The following SDCCAG8 variants were observed in gnomAD, a reference collection of about 807,000 sequenced individuals.
The protein encoded by SDCCAG8 is SHH signaling and ciliogenesis regulator SDCCAG8.
SDCCAG8 carries 74 observed loss-of-function variants against 101.8 expected under a neutral mutation model. The observed-to-expected ratio is 0.73, with a 90% confidence interval of 0.60 to 0.88. The LOEUF is 0.88. SDCCAG8 is among the 40% of genes least tolerant of loss of function. SDCCAG8 has a pLI of 0.00. For synonymous variants in SDCCAG8, 281 were observed against 292.9 expected, an observed-to-expected ratio of 0.96 and a Z score of 0.41; for missense variants, 787 against 822.6, an observed-to-expected ratio of 0.96 and a Z score of 0.53.
chr1:243,295,491 C>T (rs1029150159), intron 6 of SDCCAG8, among the ~76,000 whole-genome samples: 2 of 152,190 alleles, frequency 1.3e-5, no homozygotes, highest in East Asian at 1.9e-4. Flanking sequence ...CCGCCTCGGC[C>T]TCCCAAAGTG....
intron 10 of SDCCAG8, among the ~76,000 whole-genome samples, chr1:243,337,252 T>C (rs2075072397): frequency 6.6e-6 from 1 of 152,244 alleles, no homozygotes. Flanking sequence ...TAGCACCATT[T>C]ATTGAATAGG....
chr1:243,423,748 A>C (rs569752537), intron 15 of SDCCAG8, among the ~76,000 whole-genome samples: 1 of 152,242 alleles, frequency 6.6e-6, no homozygotes, highest in Non-Finnish European at 1.5e-5. Context: ...AGATTTTTTT[A>C]AAAAAGCATG....
chr1:243,479,862 C>T (rs779694882), intron 16 of SDCCAG8, among the ~76,000 whole-genome samples: 3 of 151,984 alleles, frequency 2.0e-5, no homozygotes, highest in Non-Finnish European at 4.4e-5. Flanking sequence ...TTAGAATGTA[C>T]CAGTGGTTCT....
intron 12 of SDCCAG8, among the ~76,000 whole-genome samples, chr1:243,367,258 A>G (rs1018140214): frequency 6.6e-6 from 1 of 152,062 alleles, no homozygotes; most frequent in African/African-American, 2.4e-5. Context: ...GCCATTGGAA[A>G]GACTACTTTT....
At chr1:243,436,886 GA>G (rs2082169572) in intron 16 of SDCCAG8, among the ~76,000 whole-genome samples, 1 of 152,138 alleles carries the variant, frequency 6.6e-6, no homozygotes, top group African/African-American at 2.4e-5. Flanking sequence ...CCTATCTGTG[GA>G]AAGGTCTTTT....
intron 17 of SDCCAG8, among the ~76,000 whole-genome samples, chr1:243,498,124 G>C (rs1558560396): frequency 6.6e-6 from 1 of 152,236 alleles, no homozygotes; most frequent in Non-Finnish European, 1.5e-5. Context: ...CCATGGAGCA[G>C]GGGTGGAGGG....
chr1:243,259,822 T>C (rs2067065128), intron 1 of SDCCAG8, among the ~76,000 whole-genome samples: 1 of 152,018 alleles, frequency 6.6e-6, no homozygotes, highest in South Asian at 2.1e-4. Flanking sequence ...GTAACAAGAG[T>C]GAAATCCTAT....
chr1:243,344,405 A>G, intron 12 of SDCCAG8, 74 bp downstream of exon 12: 1 of 1,071,376 alleles, frequency 9.3e-7, no homozygotes, highest in East Asian at 2.4e-5. Context: ...ATGTTGTTTT[A>G]TTCCTAATTT....
chr1:243,437,789 CG>C (rs2082247147), intron 16 of SDCCAG8, among the ~76,000 whole-genome samples: 1 of 152,166 alleles, frequency 6.6e-6, no homozygotes, highest in Non-Finnish European at 1.5e-5. Flanking sequence ...CCGCCCGCCT[CG>C]GCCTCCCAAA....
intron 13 of SDCCAG8, among the ~76,000 whole-genome samples, chr1:243,412,282 T>C (rs1208878322): frequency 1.3e-5 from 2 of 152,152 alleles, no homozygotes; most frequent in African/African-American, 4.8e-5. Context: ...TCTAGAGCAG[T>C]GTGTCTGATC....
chr1:243,269,273 AG>A (rs2067884460), intron 1 of SDCCAG8: 1 of 150,172 alleles, frequency 6.7e-6, no homozygotes, highest in Admixed American at 6.6e-5. Flanking sequence ...GAAGAGAACA[AG>A]GGAATGAGGC....
chr1:243,301,052 A>G (rs996737544), intron 6 of SDCCAG8, among the ~76,000 whole-genome samples: 7 of 152,206 alleles, frequency 4.6e-5, no homozygotes, highest in African/African-American at 1.7e-4. Context: ...AATATACACA[A>G]ATCTGTTATA....
intron 12 of SDCCAG8, among the ~76,000 whole-genome samples, chr1:243,367,552 G>A (rs183827972): frequency 3.9e-5 from 6 of 152,048 alleles, no homozygotes; most frequent in Admixed American, 2.6e-4. Flanking sequence ...AACAGTGGGT[G>A]ATCTTCACCA....
At chr1:243,471,286 A>T (rs1661209910) in intron 16 of SDCCAG8, among the ~76,000 whole-genome samples, 1 of 152,182 alleles carries the variant, frequency 6.6e-6, no homozygotes, top group African/African-American at 2.4e-5. Context: ...CGAGCCCAGG[A>T]ACAGCCTTGC....
intron 16 of SDCCAG8, among the ~76,000 whole-genome samples, chr1:243,447,285 C>T (rs572079666): frequency 1.7e-4 from 25 of 143,704 alleles, no homozygotes; most frequent in Admixed American, 8.3e-4. Flanking sequence ...AACCATGCCT[C>T]ATTCTTAAAA....
chr1:243,352,111 A>T (rs576345315), intron 12 of SDCCAG8, among the ~76,000 whole-genome samples: 1 of 152,376 alleles, frequency 6.6e-6, no homozygotes, highest in Non-Finnish European at 1.5e-5. Context: ...TCCAACAAAG[A>T]TGATAATGCT....
chr1:243,441,672 A>AAT (rs1407600473), intron 16 of SDCCAG8, among the ~76,000 whole-genome samples: 4 of 152,280 alleles, frequency 2.6e-5, no homozygotes, highest in Non-Finnish European at 5.9e-5. Flanking sequence ...GGTTTGTTAA[A>AAT]ATATATATAT....
chr1:243,467,638 T>G (rs1051984838), intron 16 of SDCCAG8, among the ~76,000 whole-genome samples: 3 of 152,270 alleles, frequency 2.0e-5, no homozygotes, highest in Non-Finnish European at 2.9e-5. Context: ...AATTTTGATT[T>G]GGAAGGCTTC....
At chr1:243,316,706 A>G in intron 8 of SDCCAG8, 49 bp from the exon 9 acceptor site, 4 of 1,612,038 alleles carry the variant, frequency 2.5e-6, no homozygotes, top group East Asian at 2.2e-5. Flanking sequence ...TTATGAGGAC[A>G]GGATCGTTTG....
Sources: gnomAD v4.1 joint callset for allele counts (sites outside exome capture counted in the v4.1 genomes callset) on GRCh38, gnomAD v4.1.1 for gene constraint, MANE v1.5 for transcripts, NCBI Gene and HGNC (gene_info 2026-07-23, HGNC 2026-07-21) for gene names.